PDE4D: variants seen among roughly 807,000 people sequenced by gnomAD.
PDE4D encodes phosphodiesterase 4D, also known as 3',5'-cyclic-AMP phosphodiesterase 4D.
Under a neutral mutation model 87.4 loss-of-function variants are expected in PDE4D, and 24 were observed. The ratio of observed to expected loss-of-function variants is 0.27; its 90% CI spans 0.20 to 0.39. The LOEUF (loss-of-function observed/expected upper bound fraction) is 0.39, where lower values mean the gene tolerates loss of function less well. Among genes scored for constraint, PDE4D ranks in the 10% least tolerant of loss-of-function variants. The pLI is 1.00. For missense variants in PDE4D, 714 were observed against 1,041.0 expected (o/e 0.69, Z 4.32); for synonymous variants, 384 against 383.2 (o/e 1.00, Z -0.02).
intron 1 of PDE4D, among the ~76,000 whole-genome samples, chr5:60,418,495 G>GTT (rs146622741): frequency 2.6e-5 from 4 of 151,588 alleles, no homozygotes; most frequent in Non-Finnish European, 5.9e-5. Context: ...TATCTTATTT[G>GTT]TTTTTTTGTT....
intron 1 of PDE4D, among the ~76,000 whole-genome samples, chr5:59,521,925 T>C (rs940235585): frequency 7.2e-5 from 11 of 152,162 alleles, no homozygotes; most frequent in Non-Finnish European, 1.3e-4. Context: ...TTGATGAACA[T>C]GAAGATAAAA....
At chr5:59,044,413 T>C (rs2153398725) in intron 5 of PDE4D, among the ~76,000 whole-genome samples, 1 of 152,358 alleles carries the variant, frequency 6.6e-6, no homozygotes, top group African/African-American at 2.4e-5. Flanking sequence ...TTCTCTTCTC[T>C]TAATTCTTAC....
intron 3 of PDE4D, among the ~76,000 whole-genome samples, chr5:59,922,816 G>GA (rs1754815645): frequency 6.6e-6 from 1 of 151,732 alleles, no homozygotes; most frequent in Admixed American, 6.6e-5. Context: ...TTCTGCTTGA[G>GA]AAAAGGAGAA....
intron 1 of PDE4D, among the ~76,000 whole-genome samples, chr5:60,207,717 G>A (rs1205448504): frequency 6.6e-6 from 1 of 152,198 alleles, no homozygotes; most frequent in Non-Finnish European, 1.5e-5. Context: ...ATTCAGTGAT[G>A]AGGTATAAAT....
intron 5 of PDE4D, among the ~76,000 whole-genome samples, chr5:59,107,661 TAG>T (rs1326092475): frequency 6.6e-6 from 1 of 152,122 alleles, no homozygotes; most frequent in African/African-American, 2.4e-5. Context: ...CAAAACATTA[TAG>T]AGGGTAAGAG....
At chr5:60,087,465 TAAA>T (rs748527623) in intron 2 of PDE4D, among the ~76,000 whole-genome samples, 1 of 152,156 alleles carries the variant, frequency 6.6e-6, no homozygotes, top group Non-Finnish European at 1.5e-5. Context: ...ATAATTCTCT[TAAA>T]GAAGTTGAAA....
intron 1 of PDE4D, among the ~76,000 whole-genome samples, chr5:59,716,723 T>C (rs1755084886): frequency 6.6e-6 from 1 of 152,196 alleles, no homozygotes; most frequent in Non-Finnish European, 1.5e-5. Flanking sequence ...GCTTGGGATA[T>C]CTCTGGGACT....
At chr5:59,824,621 T>G (rs1042034268) in intron 1 of PDE4D, among the ~76,000 whole-genome samples, 2 of 152,218 alleles carry the variant, frequency 1.3e-5, no homozygotes, top group African/African-American at 4.8e-5. Flanking sequence ...ATAAATCAAT[T>G]AATTAACTTG....
At chr5:59,580,454 A>G (rs1823902545) in intron 1 of PDE4D, among the ~76,000 whole-genome samples, 1 of 152,258 alleles carries the variant, frequency 6.6e-6, no homozygotes. Context: ...GTCATTGTCA[A>G]CATTCTAATA....
chr5:60,318,105 T>C (rs926038125), intron 1 of PDE4D, among the ~76,000 whole-genome samples: 10 of 152,264 alleles, frequency 6.6e-5, no homozygotes, highest in Non-Finnish European at 1.0e-4. Flanking sequence ...TCTCCCATTA[T>C]TGTATGGGCG....
At chr5:59,455,426 G>A (rs1252223526) in intron 1 of PDE4D, among the ~76,000 whole-genome samples, 1 of 152,238 alleles carries the variant, frequency 6.6e-6, no homozygotes, top group Non-Finnish European at 1.5e-5. Flanking sequence ...GCCTGCAGGT[G>A]CACAGAAGTC....
chr5:59,798,397 C>T (rs1281814425), intron 1 of PDE4D, among the ~76,000 whole-genome samples: 1 of 151,842 alleles, frequency 6.6e-6, no homozygotes, highest in Non-Finnish European at 1.5e-5. Context: ...CCAAAAATAT[C>T]TTCTATCAAG....
chr5:60,055,018 T>TA (rs992928809), intron 2 of PDE4D, among the ~76,000 whole-genome samples: 8 of 150,824 alleles, frequency 5.3e-5, no homozygotes, highest in African/African-American at 1.2e-4. Flanking sequence ...GGAGAAGAAA[T>TA]AAAAAAAAGG....
chr5:59,752,738 A>C (rs1485024378), intron 1 of PDE4D, among the ~76,000 whole-genome samples: 1 of 152,170 alleles, frequency 6.6e-6, no homozygotes, highest in East Asian at 1.9e-4. Flanking sequence ...ACCACAAAGC[A>C]TCATTCTGGC....
chr5:59,439,540 A>C (rs539370716), intron 1 of PDE4D, among the ~76,000 whole-genome samples: 1 of 152,198 alleles, frequency 6.6e-6, no homozygotes, highest in Non-Finnish European at 1.5e-5. Flanking sequence ...TCAAGTTACT[A>C]TTCTAGGCTC....
intron 1 of PDE4D, among the ~76,000 whole-genome samples, chr5:59,514,777 A>T (rs1455470383): frequency 6.6e-6 from 1 of 152,196 alleles, no homozygotes; most frequent in African/African-American, 2.4e-5. Flanking sequence ...GATGCTGATT[A>T]TAACAGAGTG....
intron 5 of PDE4D, among the ~76,000 whole-genome samples, chr5:59,095,997 C>A (rs1019023753): frequency 6.6e-6 from 1 of 152,088 alleles, no homozygotes; most frequent in Non-Finnish European, 1.5e-5. Context: ...ATGTACAAAG[C>A]CGTGTGCTAG....
At position 59,106,553 on chromosome 5, in the gene PDE4D, G is replaced by A. The variant is rs549234427; in HGVS notation, c.809-67582C>T. ...CGAGGCAGTTGGATCATGAGGTCAGGAGTTCAAGACCAGCCTGACCAACAT... is the reference window on the plus strand; with the variant it reads ...CGAGGCAGTTGGATCATGAGGTCAGAAGTTCAAGACCAGCCTGACCAACAT... On this transcript the variant is annotated intron_variant, in intron 5 of 14. Coordinates refer to ENST00000340635, the MANE Select transcript of PDE4D (RefSeq NM_001104631.2). 2.0e-5 allele frequency among the ~76,000 whole-genome samples: 3 copies of A among 152,234 alleles called. No homozygotes were observed. In the South Asian group the frequency reaches 6.2e-4, roughly 32 times the overall value.
chr5:60,470,567 C>A (rs1172505049), intron 1 of PDE4D, among the ~76,000 whole-genome samples: 2 of 152,172 alleles, frequency 1.3e-5, no homozygotes, highest in African/African-American at 4.8e-5. Context: ...CCTCAAAAGA[C>A]AGGCTAACTC....
Sources: allele counts gnomAD v4.1 joint callset (sites outside exome capture counted in the v4.1 genomes callset), GRCh38; gene constraint gnomAD v4.1.1; transcripts MANE v1.5; gene names NCBI Gene and HGNC (gene_info 2026-07-23, HGNC 2026-07-21).